Variants in SLC12A1 observed in about 807,000 individuals in gnomAD.
SLC12A1 encodes the protein solute carrier family 12 member 1, also known as Na-K-2Cl cotransporter.
SLC12A1 carries 89 observed loss-of-function variants against 130.4 expected under a neutral mutation model. The ratio of observed to expected loss-of-function variants is 0.68; its 90% CI spans 0.58 to 0.81. SLC12A1 has a LOEUF of 0.81. SLC12A1 is among the 40% of genes least tolerant of loss of function. The pLI is 0.00. For synonymous variants in SLC12A1, 499 were observed against 460.0 expected, an observed-to-expected ratio of 1.08 and a Z score of -1.09; for missense variants, 1,310 against 1,336.4, an observed-to-expected ratio of 0.98 and a Z score of 0.31.
intron 21 of SLC12A1, 71 bp downstream of exon 21, chr15:48,285,320 G>C: frequency 2.7e-6 from 4 of 1,461,938 alleles, no homozygotes; most frequent in South Asian, 1.2e-5. Context: ...TGAAGAGTCC[G>C]AAGTCAGCAT....
At chr15:48,247,610 T>C in intron 13 of SLC12A1, 150 bp downstream of exon 13, 1 of 638,076 alleles carries the variant, frequency 1.6e-6, no homozygotes, top group South Asian at 2.2e-5. Flanking sequence ...GAAATCCTTG[T>C]GTGTAGAGGG....
At chr15:48,295,331 G>C (rs987814489) in intron 24 of SLC12A1, among the ~76,000 whole-genome samples, 1 of 151,980 alleles carries the variant, frequency 6.6e-6, no homozygotes, top group Non-Finnish European at 1.5e-5. Flanking sequence ...TGTCAATCTG[G>C]TTTTCTCAAC....
At position 48,241,569 on chromosome 15, in the gene SLC12A1, G is replaced by T; in HGVS notation, c.1270G>T (p.Val424Phe). 6.2e-7 allele frequency: 1 copy of T among 1,613,770 alleles called. No homozygotes were observed. The highest frequency in any genetic ancestry group is 8.5e-7 in the Non-Finnish European group (1 of 1,179,740). The change falls in exon 10 of 27, where the codon GTT becomes TTT. Residue 424 changes from valine (V) to phenylalanine (F), a missense_variant. Val to Phe is a conservative substitution (Grantham distance 50). Coordinates refer to ENST00000380993, the MANE Select transcript of SLC12A1 (RefSeq NM_000338.3). Reference protein sequence around the residue: ...GTMLAIFITTVAYLGVAICVG... With the variant: ...GTMLAIFITTFAYLGVAICVG... ...CATGCTGGCCATTTTCATCACCACT[G>T]TTGCCTACTTAGGGGTTGCAATTTG...
At chr15:48,235,035 G>T (rs768154599) in intron 9 of SLC12A1, 31 bp downstream of exon 9, 35 of 1,611,498 alleles carry the variant, frequency 2.2e-5, no homozygotes, top group Non-Finnish European at 2.9e-5. Flanking sequence ...TGCAGTCCTG[G>T]GAGTGGTGGT....
intron 21 of SLC12A1, 138 bp from the exon 22 acceptor site, chr15:48,287,905 G>A: frequency 1.1e-6 from 1 of 875,412 alleles, no homozygotes; most frequent in Non-Finnish European, 1.6e-6. Flanking sequence ...GCCTTTTGAA[G>A]AATACCGCTA....
intron 2 of SLC12A1, 149 bp downstream of exon 2, chr15:48,208,288 T>C: frequency 1.3e-6 from 1 of 799,804 alleles, no homozygotes; most frequent in Non-Finnish European, 1.8e-6. Flanking sequence ...AAACTGTCCC[T>C]AGTTCCCAGA....
At position 48,234,965 on chromosome 15, in the gene SLC12A1, T is replaced by C. The variant is rs1567314374; in HGVS notation, c.1176T>C (p.Thr392=). ...TTGCCATTTTTTTCCCAGCAGCTAC[T>C]GGGATTCTTGCTGGTGCCAATATCT... ...SVFAIFFPAA[T]GILAGANISG... Residue 392 remains threonine (T), a synonymous_variant, in exon 9 of 27, where the codon ACT becomes ACC. Coordinates refer to ENST00000380993, the MANE Select transcript of SLC12A1 (RefSeq NM_000338.3). 1 of 1,613,926 alleles carries C rather than the reference T, an allele frequency of 6.2e-7. No homozygotes were observed.
intron 20 of SLC12A1, among the ~76,000 whole-genome samples, chr15:48,276,076 G>T (rs2041950055): frequency 6.6e-6 from 1 of 152,312 alleles, no homozygotes; most frequent in South Asian, 2.1e-4. Context: ...GGTACAAAGA[G>T]CAGCGTTTGG....
At chr15:48,240,375 C>T (rs2041502331) in intron 9 of SLC12A1, among the ~76,000 whole-genome samples, 1 of 151,926 alleles carries the variant, frequency 6.6e-6, no homozygotes, top group Non-Finnish European at 1.5e-5. Context: ...TCAGTATGTA[C>T]ATGTCAGAAC....
At chr15:48,302,172 T>C (rs2042239612) in intron 26 of SLC12A1, among the ~76,000 whole-genome samples, 1 of 152,222 alleles carries the variant, frequency 6.6e-6, no homozygotes, top group African/African-American at 2.4e-5. Flanking sequence ...TCAAATTCCC[T>C]ATTTAAAGGA....
chr15:48,227,375 C>T (rs1172388435), intron 5 of SLC12A1: 3 of 590,568 alleles, frequency 5.1e-6, no homozygotes, highest in East Asian at 2.9e-5. Flanking sequence ...TTTCTTGTAA[C>T]AAAACATGTT....
chr15:48,224,854 T>C (rs1161588619), intron 4 of SLC12A1: 1 of 152,246 alleles, frequency 6.6e-6, no homozygotes, highest in African/African-American at 2.4e-5. Flanking sequence ...TTCTTGAAGC[T>C]GAAAGCAGTC....
At chr15:48,290,816 G>C (rs1413213331) in intron 23 of SLC12A1, among the ~76,000 whole-genome samples, 1 of 151,976 alleles carries the variant, frequency 6.6e-6, no homozygotes, top group East Asian at 1.9e-4. Context: ...ATATTAACAT[G>C]GAAACTAACA....
intron 13 of SLC12A1, among the ~76,000 whole-genome samples, chr15:48,248,479 C>A (rs1054742670): frequency 6.6e-6 from 1 of 152,204 alleles, no homozygotes; most frequent in Non-Finnish European, 1.5e-5. Flanking sequence ...CCTTTAAAAT[C>A]ATTCTTTCAG....
chr15:48,221,251 G>A (rs2041211608), intron 4 of SLC12A1: 5 of 687,116 alleles, frequency 7.3e-6, no homozygotes, highest in Non-Finnish European at 1.3e-5. Flanking sequence ...TAGAGTTTTA[G>A]GTACACAGAC....
intron 17 of SLC12A1, 31 bp downstream of exon 17, chr15:48,259,342 T>C: frequency 1.5e-6 from 2 of 1,342,606 alleles, no homozygotes; most frequent in Non-Finnish European, 2.1e-6. Flanking sequence ...GGGAAGTCCT[T>C]TTTCCTCCCT....
chr15:48,219,948 A>G, intron 2 of SLC12A1, among the ~76,000 whole-genome samples: 1 of 151,632 alleles, frequency 6.6e-6, no homozygotes, highest in South Asian at 2.1e-4. Context: ...CAGCTACTAA[A>G]AATACAAAAA....
At chr15:48,240,030 C>CATATATATATATATATATATATCCAT (rs796802835) in intron 9 of SLC12A1, among the ~76,000 whole-genome samples, 1 of 13,132 alleles carries the variant, frequency 7.6e-5, no homozygotes, top group African/African-American at 1.2e-4. Flanking sequence ...TATATATATC[C>CATATATATATATATATATATATCCAT]ATATATATAT....
Position 48,269,698 on chromosome 15 carries a change from T to C in SLC12A1, c.2336T>C (p.Ile779Thr), listed in dbSNP as rs574589877. 15 of 1,612,122 alleles carry C rather than the reference T, an allele frequency of 9.3e-6. No individual in the cohort carries two copies. The South Asian group carries it at 9.9e-5, about 11-fold the overall frequency. ...AGAATGAAACCAAACACTCTGGTGA[T>C]TGGATATAAGAAAAACTGGAGGAAA... ...LGRMKPNTLV[I>T]GYKKNWRKAP... The change falls in exon 19 of 27, where the codon ATT becomes ACT. Residue 779 changes from isoleucine to threonine, a missense_variant. Coordinates refer to ENST00000380993, the MANE Select transcript of SLC12A1 (RefSeq NM_000338.3).
Sources: allele counts gnomAD v4.1 joint callset (sites outside exome capture counted in the v4.1 genomes callset), GRCh38; gene constraint gnomAD v4.1.1; transcripts MANE v1.5; gene names NCBI Gene and HGNC (gene_info 2026-07-23, HGNC 2026-07-21).